The following LGALS2 variants were observed in gnomAD, a reference collection of about 807,000 sequenced individuals.
LGALS2 encodes galectin 2.
LGALS2 carries 7 observed loss-of-function variants against 10.1 expected under a neutral mutation model. That is an observed-to-expected ratio of 0.70 (90% CI 0.40 to 1.31). LGALS2 has a LOEUF of 1.31. Among genes scored for constraint, LGALS2 ranks in the 50% most tolerant of loss-of-function variants. The pLI is 0.01. For missense variants in LGALS2, 167 were observed against 163.6 expected (o/e 1.02, Z -0.11); for synonymous variants, 86 against 64.2 (o/e 1.34, Z -1.63).
chr22:37,570,789 G>A (rs28528864), intron 2 of LGALS2, 54 bp from the exon 3 acceptor site: 4 of 1,606,302 alleles, frequency 2.5e-6, no homozygotes, highest in Non-Finnish European at 3.4e-6. Context: ...GGATAAAGCA[G>A]CTTGGGTTGG....
At chr22:37,571,029 T>C (rs1925482489) in intron 2 of LGALS2, among the ~76,000 whole-genome samples, 1 of 152,162 alleles carries the variant, frequency 6.6e-6, no homozygotes, top group South Asian at 2.1e-4. Context: ...TCTGAAGACC[T>C]ATTAAATTTA....
chr22:37,570,649 G>A lies in LGALS2; in HGVS notation c.176C>T (p.Ser59Leu), dbSNP rs759280899. The change falls in exon 3 of 4, where the codon TCA becomes TTA. Residue 59 changes from serine to leucine, a missense_variant. Physicochemically the swap from Ser to Leu is moderately radical, Grantham distance 145. Transcript: ENST00000215886. ...TTGCCCCCAGTTGCTGCCGTCCAAT[G>A]AGTTGCAGACAATGGTGGATTCGCT... The part of the protein sequence containing the change: ...RFSESTIVCN[S>L]LDGSNWGQEQ... 6.2e-7 allele frequency: 1 copy of A among 1,614,260 alleles called. No homozygotes were observed. The highest frequency in any genetic ancestry group is 8.5e-7 in the Non-Finnish European group (1 of 1,180,054).
Position 37,571,896 on chromosome 22 carries a change from C to T in LGALS2, c.42G>A (p.Pro14=), listed in dbSNP as rs763305271. 1.4e-5 allele frequency: 23 copies of T among 1,613,996 alleles called. No homozygotes were observed. The highest frequency in any genetic ancestry group is 1.6e-4 in the Middle Eastern group (1 of 6,084). ...ELEVKNMDMK[P]GSTLKITGSI... ...TGCCTGTGATCTTCAGGGTTGACCCCGGCTTCATGTCCATGTTCTTAACCT... is the reference window on the plus strand; with the variant it reads ...TGCCTGTGATCTTCAGGGTTGACCCTGGCTTCATGTCCATGTTCTTAACCT... The change falls in exon 2 of 4, where the codon CCG becomes CCA. Residue 14 remains proline (P), a synonymous_variant. Transcript: ENST00000215886.
intron 1 of LGALS2, among the ~76,000 whole-genome samples, chr22:37,576,248 T>C (rs888051849): frequency 4.7e-4 from 71 of 151,178 alleles, no homozygotes; most frequent in Admixed American, 3.2e-3. Context: ...GTCAGGAGAG[T>C]GAGATCATCC....
In LGALS2 at chr22:37,579,990, A is replaced by T; in HGVS notation, c.-85T>A. ...ACTCGTGGTCAAGCTTATATCCTAG[A>T]ATATTACACATTAACTCCCTCAAGG... On this transcript the variant is annotated 5_prime_UTR_variant, in exon 1 of 4. Transcript: ENST00000215886. 1 of 1,445,138 alleles carries T rather than the reference A, an allele frequency of 6.9e-7. No homozygotes were observed. The highest frequency in any genetic ancestry group is 9.6e-7 in the Non-Finnish European group (1 of 1,037,026). 89.5% of individuals were successfully genotyped at this position (1,445,138 alleles called of 1,614,324 possible).
At chr22:37,579,247 CAAA>C (rs111697536) in intron 1 of LGALS2, among the ~76,000 whole-genome samples, 3 of 33,576 alleles carry the variant, frequency 8.9e-5, no homozygotes, top group Non-Finnish European at 1.1e-4. Context: ...GACTCCATCT[CAAA>C]AAAAAAAAAA....
At position 37,574,007 on chromosome 22, in the gene LGALS2, G is replaced by A. The variant is rs551362640; in HGVS notation, c.7-2076C>T. On this transcript the variant is annotated intron_variant, in intron 1 of 3. Transcript: ENST00000215886. ...TCCCCAAAGTGCTGGGATTACAGGC[G>A]TGAACCAAGCCCAGCCTTAATTTTC... 6.6e-5 allele frequency among the ~76,000 whole-genome samples: 10 copies of A among 152,184 alleles called. No homozygotes were observed. In the East Asian group the frequency reaches 1.5e-3, roughly 23 times the overall value.
Position 37,579,977 on chromosome 22 carries a change from G to T in LGALS2, c.-72C>A, listed in dbSNP as rs1214888659. ...GCTCAGGGTCTCAACTCGTGGTCAA[G>T]CTTATATCCTAGAATATTACACATT... On this transcript the variant is annotated 5_prime_UTR_variant, in exon 1 of 4. Coordinates refer to ENST00000215886, the MANE Select transcript of LGALS2 (RefSeq NM_006498.3). 17 of 1,547,518 alleles carry T rather than the reference G, an allele frequency of 1.1e-5. No individual in the cohort carries two copies. Among genetic ancestry groups the T allele is most frequent in the Admixed American group, 1.7e-5 (1 of 58,356 alleles).
intron 1 of LGALS2, 91 bp from the exon 2 acceptor site, chr22:37,572,022 G>A (rs747621767): frequency 2.9e-6 from 3 of 1,049,378 alleles, no homozygotes; most frequent in Non-Finnish European, 4.5e-6. Flanking sequence ...TGCCAACCCA[G>A]CTGCAGGTCT....
Position 37,579,964 on chromosome 22 carries a change from A to C in LGALS2, c.-59T>G. Reference sequence around the variant, plus strand: ...CCTGGAGGCCTGTGCTCAGGGTCTCAACTCGTGGTCAAGCTTATATCCTAG... The same window carrying C: ...CCTGGAGGCCTGTGCTCAGGGTCTCCACTCGTGGTCAAGCTTATATCCTAG... On this transcript the variant is annotated 5_prime_UTR_variant, in exon 1 of 4. Coordinates refer to ENST00000215886, the MANE Select transcript of LGALS2 (RefSeq NM_006498.3). The C allele has an allele frequency of 6.3e-7, 1 of 1,597,324 alleles. No homozygotes were observed. Among genetic ancestry groups the C allele is most frequent in the South Asian group, 1.1e-5 (1 of 89,510 alleles).
chr22:37,578,188 G>A (rs1234102031), intron 1 of LGALS2, among the ~76,000 whole-genome samples: 1 of 152,250 alleles, frequency 6.6e-6, no homozygotes, highest in African/African-American at 2.4e-5. Flanking sequence ...AGAGTCTGGT[G>A]TAGAATCAAC....
chr22:37,575,990 C>T (rs923716532), intron 1 of LGALS2, among the ~76,000 whole-genome samples: 14 of 152,184 alleles, frequency 9.2e-5, no homozygotes, highest in Admixed American at 3.3e-4. Flanking sequence ...CTCCCCTGAG[C>T]GGTGACAACC....
In LGALS2 at chr22:37,579,965, A is replaced by G. The variant is rs1206729245; in HGVS notation, c.-60T>C. 68 of 1,594,736 alleles carry G rather than the reference A, an allele frequency of 4.3e-5. 1 individual carries two copies. In the Admixed American group the frequency reaches 1.1e-3, roughly 25 times the overall value. ...CTGGAGGCCTGTGCTCAGGGTCTCA[A>G]CTCGTGGTCAAGCTTATATCCTAGA... On this transcript the variant is annotated 5_prime_UTR_variant, in exon 1 of 4. Coordinates refer to ENST00000215886, the MANE Select transcript of LGALS2 (RefSeq NM_006498.3).
At chr22:37,578,723 G>T (rs1330011510) in intron 1 of LGALS2, 1 of 152,220 alleles carries the variant, frequency 6.6e-6, no homozygotes, top group Non-Finnish European at 1.5e-5. Context: ...GCCAAGGTGG[G>T]CGGATCACCT....
At chr22:37,579,202 CG>C (rs1925774595) in intron 1 of LGALS2, among the ~76,000 whole-genome samples, 2 of 124,434 alleles carry the variant, frequency 1.6e-5, no homozygotes, top group Non-Finnish European at 3.2e-5. Flanking sequence ...GAGCTGAGAT[CG>C]GGCCACTGCA....
chr22:37,575,814 G>A (rs149238904), intron 1 of LGALS2, among the ~76,000 whole-genome samples: 107 of 152,318 alleles, frequency 7.0e-4, no homozygotes, highest in African/African-American at 1.8e-3. Context: ...CCAGGACAGC[G>A]GGCCATGACG....
Position 37,579,965 on chromosome 22 carries a change from A to C in LGALS2, c.-60T>G, listed in dbSNP as rs1206729245. The C allele has an allele frequency of 6.3e-7, 1 of 1,594,736 alleles. No individual in the cohort carries two copies. The highest frequency in any genetic ancestry group is 1.7e-5 in the Admixed American group (1 of 59,156). ...CTGGAGGCCTGTGCTCAGGGTCTCA[A>C]CTCGTGGTCAAGCTTATATCCTAGA... On this transcript the variant is annotated 5_prime_UTR_variant, in exon 1 of 4. Coordinates refer to ENST00000215886, the MANE Select transcript of LGALS2 (RefSeq NM_006498.3).
At chr22:37,574,747 T>A (rs1925616413) in intron 1 of LGALS2, among the ~76,000 whole-genome samples, 1 of 152,128 alleles carries the variant, frequency 6.6e-6, no homozygotes, top group African/African-American at 2.4e-5. Flanking sequence ...GCAGTGGCCA[T>A]GGGAGGACCC....
At chr22:37,576,579 G>A (rs901090131) in intron 1 of LGALS2, among the ~76,000 whole-genome samples, 9 of 152,012 alleles carry the variant, frequency 5.9e-5, no homozygotes, top group Admixed American at 4.6e-4. Context: ...AGGTGTGCCC[G>A]CCACACAGAC....
Sources: gnomAD v4.1 joint callset for allele counts (sites outside exome capture counted in the v4.1 genomes callset) on GRCh38, gnomAD v4.1.1 for gene constraint, MANE v1.5 for transcripts, NCBI Gene and HGNC (gene_info 2026-07-23, HGNC 2026-07-21) for gene names.